The following LGR6 variants were observed in gnomAD, a reference collection of about 807,000 sequenced individuals.
LGR6 encodes the protein leucine-rich repeat-containing G protein-coupled receptor 6.
Under a neutral mutation model 69.4 loss-of-function variants are expected in LGR6, and 45 were observed. The ratio of observed to expected loss-of-function variants is 0.65; its 90% CI spans 0.51 to 0.83. The LOEUF is 0.83. Among genes scored for constraint, LGR6 ranks in the 40% least tolerant of loss-of-function variants. LGR6 has a pLI of 0.00. For missense variants in LGR6, 1,108 were observed against 1,246.7 expected (o/e 0.89, Z 1.68); for synonymous variants, 538 against 555.0 (o/e 0.97, Z 0.43).
In LGR6 at chr1:202,310,275, G is replaced by A; in HGVS notation, c.1485G>A (p.Trp495Ter). Residue 495 changes from tryptophan (W) to a stop codon, truncating the protein, a stop_gained, in exon 16 of 18, where the codon TGG becomes TGA. Transcript: ENST00000367278. LOFTEE classifies it high-confidence loss of function. ...CASFFKASGQ[W>*]EAEDLHLDDE... Reference sequence around the variant, plus strand: ...GCTTCTTCAAGGCCTCTGGGCAGTGGGAGGCTGAAGACCTTCACCTTGATG... The same window carrying A: ...GCTTCTTCAAGGCCTCTGGGCAGTGAGAGGCTGAAGACCTTCACCTTGATG... 6.2e-7 allele frequency: 1 copy of A among 1,614,120 alleles called. No individual in the cohort carries two copies. The highest frequency in any genetic ancestry group is 8.5e-7 in the Non-Finnish European group (1 of 1,180,012).
At chr1:202,316,913 C>T (rs1054474799) in intron 17 of LGR6, among the ~76,000 whole-genome samples, 6 of 152,030 alleles carry the variant, frequency 3.9e-5, no homozygotes, top group South Asian at 2.1e-4. Context: ...CAGGATCTCA[C>T]GCATCTCGTG....
At chr1:202,276,872 C>T (rs766440085) in intron 5 of LGR6, among the ~76,000 whole-genome samples, 2 of 152,112 alleles carry the variant, frequency 1.3e-5, no homozygotes, top group African/African-American at 2.4e-5. Context: ...TAATTTCTAC[C>T]ATATTTGACA....
chr1:202,318,824 C>T lies in LGR6; in HGVS notation c.2521C>T (p.Leu841Phe). The T allele has an allele frequency of 2.5e-6, 4 of 1,613,334 alleles. No homozygotes were observed. The highest frequency in any genetic ancestry group is 8.5e-7 in the Non-Finnish European group (1 of 1,179,700). The change falls in exon 18 of 18, where the codon CTT (leucine) becomes TTT (phenylalanine). Residue 841 changes from leucine (L) to phenylalanine (F), a missense_variant. Physicochemically the swap from Leu to Phe is conservative, Grantham distance 22. Transcript: ENST00000367278. ...NPHFRDDLRR[L>F]RPRAGDSGPL... is the part of the protein sequence containing the mutation. ...CCACTTCCGGGATGACCTTCGGCGG[C>T]TTCGGCCCCGCGCAGGGGACTCAGG...
intron 1 of LGR6, among the ~76,000 whole-genome samples, chr1:202,195,081 C>G (rs1869108): frequency 0.027 from 4,113 of 152,296 alleles, 78 homozygotes; most frequent in Middle Eastern, 0.044. Context: ...CCCACCTGCA[C>G]CCCCAGCCCC....
At chr1:202,219,875 T>G (rs1341802503) in intron 1 of LGR6, among the ~76,000 whole-genome samples, 4 of 152,144 alleles carry the variant, frequency 2.6e-5, no homozygotes, top group Non-Finnish European at 4.4e-5. Context: ...ATTTATTTAT[T>G]TATTTTATTT....
intron 1 of LGR6, among the ~76,000 whole-genome samples, chr1:202,196,476 G>A (rs1224734609): frequency 6.6e-6 from 1 of 152,144 alleles, no homozygotes; most frequent in South Asian, 2.1e-4. Flanking sequence ...GGAGAGCACA[G>A]ATTCGCATCT....
chr1:202,224,965 A>G (rs1029145653), intron 1 of LGR6, among the ~76,000 whole-genome samples: 1 of 152,240 alleles, frequency 6.6e-6, no homozygotes, highest in Non-Finnish European at 1.5e-5. Context: ...AGCCTGCTCC[A>G]TAGATTGAAA....
intron 4 of LGR6, among the ~76,000 whole-genome samples, chr1:202,251,304 C>T (rs776127258): frequency 2.0e-5 from 3 of 152,146 alleles, no homozygotes; most frequent in Non-Finnish European, 4.4e-5. Flanking sequence ...AGAAAAGAAA[C>T]TCGTTATTTT....
intron 4 of LGR6, among the ~76,000 whole-genome samples, chr1:202,272,005 G>T (rs1382536412): frequency 6.6e-6 from 1 of 152,080 alleles, no homozygotes; most frequent in African/African-American, 2.4e-5. Flanking sequence ...AACACAAAAG[G>T]TTAAAGGAGG....
chr1:202,302,054 G>T (rs1459771940), intron 9 of LGR6, among the ~76,000 whole-genome samples: 1 of 152,112 alleles, frequency 6.6e-6, no homozygotes, highest in Non-Finnish European at 1.5e-5. Flanking sequence ...GGACGTGGTG[G>T]TGCATGCCTG....
chr1:202,306,070 C>A (rs10920384), intron 12 of LGR6, among the ~76,000 whole-genome samples: 68,173 of 151,966 alleles, frequency 0.45, 17,199 homozygotes, highest in East Asian at 0.71. Context: ...ACATCAGGGC[C>A]CAGTGGGATG....
chr1:202,301,241 T>C lies in LGR6; in HGVS notation c.929+6T>C, dbSNP rs755672763. On this transcript the variant is annotated splice_donor_region_variant and intron_variant, in intron 9 of 17. Transcript: ENST00000367278. ...CTGCCTAAACTCCACACACTGTAAG[T>C]TGGCTCCTGAAGGCTGCTGCAGCCT... 4 of 1,613,676 alleles carry C rather than the reference T, an allele frequency of 2.5e-6. No individual in the cohort carries two copies. The highest frequency in any genetic ancestry group is 1.1e-5 in the South Asian group (1 of 91,052).
chr1:202,315,528 C>T (rs886982613), intron 17 of LGR6, among the ~76,000 whole-genome samples: 15 of 152,266 alleles, frequency 9.9e-5, no homozygotes, highest in African/African-American at 3.4e-4. Context: ...GAAGTCCCTT[C>T]GCTTGCATAT....
At chr1:202,281,145 T>A in intron 6 of LGR6, 1 of 363,880 alleles carries the variant, frequency 2.7e-6, no homozygotes, top group Non-Finnish European at 5.0e-6. Flanking sequence ...ATGAAAATTC[T>A]GGACAGAAAT....
At chr1:202,197,848 G>A (rs1658699156) in intron 1 of LGR6, among the ~76,000 whole-genome samples, 1 of 152,204 alleles carries the variant, frequency 6.6e-6, no homozygotes, top group Admixed American at 6.5e-5. Flanking sequence ...AAAGATCTGG[G>A]TAGTTACTCT....
At chr1:202,308,235 G>A (rs758020255) in intron 14 of LGR6, among the ~76,000 whole-genome samples, 6 of 152,176 alleles carry the variant, frequency 3.9e-5, no homozygotes, top group East Asian at 1.9e-4. Context: ...GGCTGGGGCC[G>A]TGGCTTTGCA....
intron 1 of LGR6, among the ~76,000 whole-genome samples, chr1:202,204,489 C>CCACA (rs1491372663): frequency 8.3e-5 from 1 of 12,116 alleles, no homozygotes; most frequent in East Asian, 3.3e-3. Flanking sequence ...AAACACACCT[C>CCACA]CACACACACA....
At chr1:202,271,245 T>C (rs1418618084) in intron 4 of LGR6, among the ~76,000 whole-genome samples, 1 of 152,092 alleles carries the variant, frequency 6.6e-6, no homozygotes, top group African/African-American at 2.4e-5. Flanking sequence ...TGCTGGCGGC[T>C]CGGAGACTCC....
chr1:202,318,598 C>T lies in LGR6; in HGVS notation c.2295C>T (p.Ala765=), dbSNP rs1226378888. ...YCDLPRGDFE[A]VWDCAMVRHV... ...ACCTGCCGCGGGGCGACTTTGAGGC[C>T]GTGTGGGACTGCGCCATGGTGAGGC... Residue 765 remains alanine (A), a synonymous_variant, in exon 18 of 18, where the codon GCC becomes GCT. Transcript: ENST00000367278. 5 of 1,613,986 alleles carry T rather than the reference C, an allele frequency of 3.1e-6. No homozygotes were observed. The highest frequency in any genetic ancestry group is 1.7e-5 in the Admixed American group (1 of 60,024).
Sources: gnomAD v4.1 joint callset for allele counts (sites outside exome capture counted in the v4.1 genomes callset) on GRCh38, gnomAD v4.1.1 for gene constraint, MANE v1.5 for transcripts, NCBI Gene and HGNC (gene_info 2026-07-23, HGNC 2026-07-21) for gene names.